Variants in CPEB3 observed in about 807,000 individuals in gnomAD.
CPEB3 encodes the protein cytoplasmic polyadenylation element-binding protein 3.
In CPEB3, 20 loss-of-function variants were observed where a neutral mutation model predicts 67.2. The ratio of observed to expected loss-of-function variants is 0.30; its 90% CI spans 0.21 to 0.43. The LOEUF (loss-of-function observed/expected upper bound fraction) is 0.43. Among genes scored for constraint, CPEB3 ranks in the 20% least tolerant of loss-of-function variants. CPEB3 has a pLI of 1.00. For missense variants in CPEB3, 746 were observed against 968.6 expected, an observed-to-expected ratio of 0.77 and a Z score of 3.05; for synonymous variants, 376 against 393.1, an observed-to-expected ratio of 0.96 and a Z score of 0.51.
At chr10:92,162,368 C>A (rs142414592) in intron 4 of CPEB3, among the ~76,000 whole-genome samples, 23 of 151,810 alleles carry the variant, frequency 1.5e-4, no homozygotes, top group African/African-American at 5.6e-4. Flanking sequence ...CTACATTGAG[C>A]AATATATTTA....
chr10:92,145,005 G>T lies in CPEB3; in HGVS notation c.1303C>A (p.Arg435=), dbSNP rs530185054. 2.1e-5 allele frequency: 34 copies of T among 1,614,058 alleles called. 1 individual carries two copies. Among genetic ancestry groups the T allele is most frequent in the South Asian group, 9.9e-5 (9 of 91,084 alleles). The change falls in exon 5 of 10, where the codon CGA becomes AGA. Residue 435 remains arginine (R), a synonymous_variant. Coordinates refer to ENST00000265997, the MANE Select transcript of CPEB3 (RefSeq NM_014912.5). ...ACCTTTCTAGAGTAGCGTTCTACTCGTTCCCCATTTTGACAGCGAGTGGGA... is the reference window on the plus strand; with the variant it reads ...ACCTTTCTAGAGTAGCGTTCTACTCTTTCCCCATTTTGACAGCGAGTGGGA... ...SSPTRCQNGE[R]VERYSRKVFV... is the part of the protein sequence containing the mutation.
rs184352569 is a variant in CPEB3 at position 92,246,009 on chromosome 10, G to A, written c.-11-5648C>T. On this transcript the variant is annotated intron_variant, in intron 1 of 9. Coordinates refer to ENST00000265997, the MANE Select transcript of CPEB3 (RefSeq NM_014912.5). ...GCCAAGACCGCACCATTGCACTCCA[G>A]CCTGGGAGACAGAGCAAGACTCCAT... Among the ~76,000 whole-genome samples, 199 of 150,196 alleles carry A rather than the reference G, an allele frequency of 1.3e-3. 1 individual carries two copies. The highest frequency in any genetic ancestry group is 4.7e-3 in the African/African-American group (190 of 40,784).
intron 2 of CPEB3, among the ~76,000 whole-genome samples, chr10:92,236,986 AC>A (rs1851569381): frequency 6.6e-6 from 1 of 152,118 alleles, no homozygotes; most frequent in African/African-American, 2.4e-5. Flanking sequence ...TATAAAATAA[AC>A]TCTGATTTAA....
intron 4 of CPEB3, among the ~76,000 whole-genome samples, chr10:92,159,605 G>A (rs1406295934): frequency 6.6e-6 from 1 of 151,964 alleles, no homozygotes; most frequent in Non-Finnish European, 1.5e-5. Context: ...CCAGGAGGTG[G>A]AGGTTGCAGT....
At chr10:92,266,757 G>A (rs1476238722) in intron 1 of CPEB3, among the ~76,000 whole-genome samples, 1 of 152,178 alleles carries the variant, frequency 6.6e-6, no homozygotes, top group African/African-American at 2.4e-5. Context: ...GTCATGGCTG[G>A]GCACGGTGGC....
At chr10:92,199,301 G>C (rs1189962586) in intron 2 of CPEB3, among the ~76,000 whole-genome samples, 2 of 149,516 alleles carry the variant, frequency 1.3e-5, no homozygotes, top group Non-Finnish European at 3.0e-5. Flanking sequence ...TGAGGCAGGA[G>C]AATCTCTTGA....
chr10:92,153,245 C>T (rs1007872476), intron 4 of CPEB3, among the ~76,000 whole-genome samples: 3 of 152,198 alleles, frequency 2.0e-5, no homozygotes, highest in African/African-American at 7.2e-5. Flanking sequence ...TTCCCTCGAG[C>T]AGGCTTTTGA....
At chr10:92,126,687 C>T (rs971076173) in intron 6 of CPEB3, among the ~76,000 whole-genome samples, 4 of 152,218 alleles carry the variant, frequency 2.6e-5, no homozygotes, top group African/African-American at 9.6e-5. Flanking sequence ...AACCTGTCCT[C>T]CTTTTCCACC....
chr10:92,052,958 G>A (rs373975356), intron 9 of CPEB3, among the ~76,000 whole-genome samples: 7 of 152,290 alleles, frequency 4.6e-5, no homozygotes, highest in Admixed American at 6.5e-5. Context: ...AGCCAGGCCC[G>A]AGGGCAAGAG....
At chr10:92,276,972 TTTATATAC>T (rs1290913548) in intron 1 of CPEB3, among the ~76,000 whole-genome samples, 1 of 152,234 alleles carries the variant, frequency 6.6e-6, no homozygotes, top group Non-Finnish European at 1.5e-5. Flanking sequence ...TTATTGGCCA[TTTATATAC>T]CTTCTTTGGA....
intron 6 of CPEB3, among the ~76,000 whole-genome samples, chr10:92,119,321 A>C (rs855708): frequency 0.74 from 112,452 of 152,108 alleles, 42,874 homozygotes; most frequent in African/African-American, 0.92. Context: ...ACCTTGTAGA[A>C]CATAAGAGTG....
At chr10:92,153,241 C>T (rs998426134) in intron 4 of CPEB3, among the ~76,000 whole-genome samples, 15 of 152,188 alleles carry the variant, frequency 9.9e-5, no homozygotes, top group African/African-American at 3.6e-4. Flanking sequence ...TCTCTTCCCT[C>T]GAGCAGGCTT....
chr10:92,062,148 G>C (rs774217280), intron 9 of CPEB3, among the ~76,000 whole-genome samples: 1 of 151,174 alleles, frequency 6.6e-6, no homozygotes, highest in Non-Finnish European at 1.5e-5. Flanking sequence ...GGCTGAGTGA[G>C]GCAAGAAAAT....
At chr10:92,084,360 T>G (rs990567676) in intron 8 of CPEB3, among the ~76,000 whole-genome samples, 1 of 152,058 alleles carries the variant, frequency 6.6e-6, no homozygotes, top group Non-Finnish European at 1.5e-5. Context: ...TGACAACCAA[T>G]TATAAATAAA....
intron 2 of CPEB3, among the ~76,000 whole-genome samples, chr10:92,221,844 A>G (rs916640167): frequency 6.6e-6 from 1 of 152,138 alleles, no homozygotes; most frequent in African/African-American, 2.4e-5. Flanking sequence ...AGAGAGAGAC[A>G]TTGATTGAAG....
At chr10:92,278,282 G>A (rs1175415036) in intron 1 of CPEB3, among the ~76,000 whole-genome samples, 1 of 152,104 alleles carries the variant, frequency 6.6e-6, no homozygotes, top group Non-Finnish European at 1.5e-5. Context: ...AAGTCAGATG[G>A]AATTTTGATA....
intron 1 of CPEB3, among the ~76,000 whole-genome samples, chr10:92,241,585 C>T (rs1851854578): frequency 6.6e-6 from 1 of 152,094 alleles, no homozygotes; most frequent in Non-Finnish European, 1.5e-5. Context: ...TAGTGCATTG[C>T]CATCACTGCT....
At chr10:92,205,260 G>A (rs1246705605) in intron 2 of CPEB3, among the ~76,000 whole-genome samples, 1 of 152,158 alleles carries the variant, frequency 6.6e-6, no homozygotes, top group Non-Finnish European at 1.5e-5. Flanking sequence ...TCTGGGGAGA[G>A]GAAAATGGAT....
chr10:92,241,897 T>G (rs1157404212), intron 1 of CPEB3, among the ~76,000 whole-genome samples: 1 of 152,230 alleles, frequency 6.6e-6, no homozygotes, highest in East Asian at 1.9e-4. Flanking sequence ...TATTAATAAA[T>G]TTAATGCAGT....
Sources: gnomAD v4.1 joint callset for allele counts (sites outside exome capture counted in the v4.1 genomes callset) on GRCh38, gnomAD v4.1.1 for gene constraint, MANE v1.5 for transcripts, NCBI Gene and HGNC (gene_info 2026-07-23, HGNC 2026-07-21) for gene names.